The following PRAME variants were observed in gnomAD, a reference collection of about 807,000 sequenced individuals.
The protein encoded by PRAME is melanoma antigen preferentially expressed in tumors.
Under a neutral mutation model 32.1 loss-of-function variants are expected in PRAME, and 21 were observed. The ratio of observed to expected loss-of-function variants is 0.65; its 90% confidence interval spans 0.46 to 0.94. The LOEUF (loss-of-function observed/expected upper bound fraction) is 0.94, where lower values mean the gene tolerates loss of function less well. PRAME is among the 40% of genes least tolerant of loss of function. The pLI, the probability that PRAME is intolerant of heterozygous loss-of-function variation, is 0.00. For synonymous variants in PRAME, 274 were observed against 251.5 expected (o/e 1.09, Z -0.85); for missense variants, 651 against 622.3 (o/e 1.05, Z -0.49).
chr22:22,556,535 T>C (rs2062932800), intron 3 of PRAME, among the ~76,000 whole-genome samples: 1 of 151,582 alleles, frequency 6.6e-6, no homozygotes, highest in African/African-American at 2.4e-5. Flanking sequence ...ATGGTCTCAA[T>C]CTCCTGACCT....
chr22:22,556,497 A>G (rs541917334), intron 3 of PRAME, among the ~76,000 whole-genome samples: 14 of 151,746 alleles, frequency 9.2e-5, no homozygotes, highest in African/African-American at 2.9e-4. Context: ...CTTTTAGTAG[A>G]CGCGGGGTTT....
rs914998392 is a variant in PRAME, at chr22:22,557,039, TTCAG to T, written c.-77-134_-77-131del. 116 of 632,722 alleles carry T rather than the reference TTCAG, an allele frequency of 1.8e-4. 1 individual carries two copies. In the Admixed American group the frequency reaches 2.9e-3, roughly 16 times the overall value. 39.2% of individuals were successfully genotyped at this position (632,722 alleles called of 1,614,324 possible). A position where few individuals can be genotyped will look rare whatever the true frequency, so the allele number is the denominator to read the frequency against. ...ACAACTGGCGACTCAATCCCGCCCTTTCAGTGCAAATCTCTGGCTCCAAACCTGA... is the reference window on the plus strand; with the variant it reads ...ACAACTGGCGACTCAATCCCGCCCTTTGCAAATCTCTGGCTCCAAACCTGA... On this transcript the variant is annotated intron_variant, in intron 2 of 5. Coordinates refer to ENST00000405655, the MANE Select transcript of PRAME (RefSeq NM_206956.3).
Position 22,550,228 on chromosome 22 carries a change from C to T in PRAME, c.451G>A (p.Ala151Thr). The change falls in exon 5 of 6, where the codon GCA becomes ACA. Residue 151 changes from alanine to threonine, a missense_variant. Transcript: ENST00000405655. ...ASLYSFPEPE[A>T]AQPMTKKRKV... ...CGCTTCTTTGTCATGGGCTGAGCTG[C>T]TTCTGGCTCTGGAAATGAGTACAGA... 1 of 1,613,808 alleles carries T rather than the reference C, an allele frequency of 6.2e-7. No individual in the cohort carries two copies. Among genetic ancestry groups the T allele is most frequent in the Non-Finnish European group, 8.5e-7 (1 of 1,179,954 alleles).
chr22:22,557,094 A>AG lies in PRAME; in HGVS notation c.-77-186dup, dbSNP rs1319394507. The AG allele has an allele frequency of 9.0e-6, 5 of 554,034 alleles. No individual in the cohort carries two copies. The African/African-American group carries it at 9.5e-5, about 10-fold the overall frequency. 34.3% of individuals were successfully genotyped at this position (554,034 alleles called of 1,614,324 possible). A position where few individuals can be genotyped will look rare whatever the true frequency, so the allele number is the denominator to read the frequency against. On this transcript the variant is annotated intron_variant, in intron 2 of 5. Coordinates refer to ENST00000405655, the MANE Select transcript of PRAME (RefSeq NM_206956.3). ...GCACCAGTGTTTCCTGGGCTGAACC[A>AG]GGGGGCAGGAGGAACAACAGACCAT...
intron 5 of PRAME, 140 bp from the exon 6 acceptor site, chr22:22,548,783 A>G: frequency 1.3e-6 from 1 of 749,812 alleles, no homozygotes; most frequent in Non-Finnish European, 2.1e-6. Context: ...CGGAGCATTC[A>G]AGGAGTACAA....
At chr22:22,550,414 G>T in intron 4 of PRAME, 80 bp from the exon 5 acceptor site, 1 of 1,512,766 alleles carries the variant, frequency 6.6e-7, no homozygotes, top group Non-Finnish European at 8.9e-7. Flanking sequence ...CATAATGTAG[G>T]TAAGAACCAA....
rs116426081 is a variant in PRAME, at chr22:22,547,908, G to C, written c.*159C>G. 1,351 of 835,606 alleles carry C rather than the reference G, an allele frequency of 1.6e-3. 11 individuals carry two copies. In the African/African-American group the frequency reaches 0.021, roughly 13 times the overall value. 51.8% of individuals were successfully genotyped at this position (835,606 alleles called of 1,614,324 possible). A position where few individuals can be genotyped will look rare whatever the true frequency, so the allele number is the denominator to read the frequency against. On this transcript the variant is annotated 3_prime_UTR_variant, in exon 6 of 6. Coordinates refer to ENST00000405655, the MANE Select transcript of PRAME (RefSeq NM_206956.3). ...CCAACTTCCCCTTTTTTTCCTCACT[G>C]AACATTTGTCTGAATGTTTTTTCCT...
intron 3 of PRAME, chr22:22,555,838 C>A (rs1044905693): frequency 2.1e-6 from 1 of 469,568 alleles, no homozygotes; most frequent in Admixed American, 2.4e-5. Flanking sequence ...ACACTTACCC[C>A]TAATGGCCCA....
In PRAME at chr22:22,550,942, A is replaced by C. The variant is rs769323726; in HGVS notation, c.169T>G (p.Phe57Val). 6.2e-7 allele frequency: 1 copy of C among 1,613,778 alleles called. No homozygotes were observed. The change falls in exon 4 of 6, where the codon TTC becomes GTC. Residue 57 changes from phenylalanine to valine, a missense_variant. Transcript: ENST00000405655. Reference protein sequence around the residue: ...LLPRELFPPLFMAAFDGRHSQ... With the variant: ...LLPRELFPPLVMAAFDGRHSQ... ...TGTCTCCCGTCAAAGGCTGCCATGA[A>C]GAGTGGCGGGAAGAGCTCCCTGGGC...
chr22:22,549,550 G>A (rs932401642), intron 5 of PRAME, among the ~76,000 whole-genome samples, 176 bp downstream of exon 5: 6 of 151,926 alleles, frequency 3.9e-5, no homozygotes, highest in African/African-American at 1.5e-4. Context: ...TAACCCTTAT[G>A]AGTAGTAGTT....
chr22:22,550,382 C>T, intron 4 of PRAME, 48 bp from the exon 5 acceptor site: 1 of 1,582,340 alleles, frequency 6.3e-7, no homozygotes, highest in Non-Finnish European at 8.6e-7. Context: ...TTAAGATCAA[C>T]TCAAAATAAG....
chr22:22,551,133 C>A, intron 3 of PRAME, 44 bp from the exon 4 acceptor site: 14 of 1,485,950 alleles, frequency 9.4e-6, no homozygotes, highest in Non-Finnish European at 1.3e-5. Context: ...TCAGCCCAAG[C>A]ATAAGCAACT....
At position 22,549,794 on chromosome 22, in the gene PRAME, C is replaced by A; in HGVS notation, c.885G>T (p.Leu295=). Residue 295 remains leucine (L), a synonymous_variant, in exon 5 of 6, where the codon CTG becomes CTT. Coordinates refer to ENST00000405655, the MANE Select transcript of PRAME (RefSeq NM_206956.3). ...CCACATAGAGAGCCTGCAGGCACTG[C>A]AGACTGAGGAACTGAGAGGTGAACT... ...IAQFTSQFLS[L]QCLQALYVDS... 1 of 1,613,752 alleles carries A rather than the reference C, an allele frequency of 6.2e-7. No homozygotes were observed.
rs770284146 is a variant in PRAME, at chr22:22,556,848, G to A, written c.-16C>T. The A allele has an allele frequency of 3.6e-5, 58 of 1,612,720 alleles. No individual in the cohort carries two copies. Among genetic ancestry groups the A allele is most frequent in the Non-Finnish European group, 4.4e-5 (52 of 1,179,886 alleles). The stretch of plus-strand genomic sequence containing the variant: ...TTCGTTCCATTTTGAAGCGACTTAG[G>A]CTGGCCTCAGGACCTCCAACGCTTG... On this transcript the variant is annotated 5_prime_UTR_variant, in exon 3 of 6. Coordinates refer to ENST00000405655, the MANE Select transcript of PRAME (RefSeq NM_206956.3).
chr22:22,551,334 T>C (rs6002689), intron 3 of PRAME, among the ~76,000 whole-genome samples: 98,153 of 151,524 alleles, frequency 0.65, 32,194 homozygotes, highest in East Asian at 0.74. Flanking sequence ...TGGCACCATC[T>C]TGTATCTACC....
chr22:22,552,754 C>A (rs980144766), intron 3 of PRAME: 1 of 457,660 alleles, frequency 2.2e-6, no homozygotes, highest in African/African-American at 2.0e-5. Context: ...CCCGTGGAGA[C>A]CCTGAGGTGA....
chr22:22,557,469 G>A lies in PRAME; in HGVS notation c.-78+76C>T, dbSNP rs541117700. ...ATTTCCAGAGAGAAAACAGGGACCC[G>A]GGACAGGGGTGGTGCTGGGGGCACA... On this transcript the variant is annotated intron_variant, in intron 2 of 5. Coordinates refer to ENST00000405655, the MANE Select transcript of PRAME (RefSeq NM_206956.3). 2.1e-3 allele frequency: 329 copies of A among 154,764 alleles called. 4 individuals are homozygous for A. The highest frequency in any genetic ancestry group is 2.8e-3 in the South Asian group (14 of 4,974). The allele number at this position is 154,764 out of a possible 1,614,324, so 9.6% of individuals were successfully genotyped here.
chr22:22,559,243 G>C lies in PRAME; in HGVS notation c.-386C>G, dbSNP rs1157579553. ...GCGGTGCTGAGGCGCTGCAGGCCCG[G>C]CTTCTGGCTGCGGGGGAGCTGTACC... is the stretch of plus-strand genomic sequence containing the variant. On this transcript the variant is annotated 5_prime_UTR_variant, in exon 1 of 6. Transcript: ENST00000405655. 6.4e-6 allele frequency: 2 copies of C among 312,934 alleles called. No individual in the cohort carries two copies. Among genetic ancestry groups the C allele is most frequent in the South Asian group, 5.5e-5 (2 of 36,226 alleles). 19.4% of individuals were successfully genotyped at this position (312,934 alleles called of 1,614,324 possible). A position where few individuals can be genotyped will look rare whatever the true frequency, so the allele number is the denominator to read the frequency against.
At chr22:22,557,200 T>C in intron 2 of PRAME, 1 of 303,208 alleles carries the variant, frequency 3.3e-6, no homozygotes, top group Non-Finnish European at 6.0e-6. Flanking sequence ...GCTCCCGCCT[T>C]CCTAGGACGC....
Sources: gnomAD v4.1 joint callset for allele counts (sites outside exome capture counted in the v4.1 genomes callset) on GRCh38, gnomAD v4.1.1 for gene constraint, MANE v1.5 for transcripts, NCBI Gene and HGNC (gene_info 2026-07-23, HGNC 2026-07-21) for gene names.